The following SLC9B1 variants were observed in gnomAD, a reference collection of about 807,000 sequenced individuals.
The protein encoded by SLC9B1 is sodium/hydrogen exchanger 9B1.
In SLC9B1, 32 loss-of-function variants were observed where a neutral mutation model predicts 51.7. The observed-to-expected ratio is 0.62, with a 90% CI of 0.47 to 0.83. The LOEUF (loss-of-function observed/expected upper bound fraction) is 0.83, where lower values mean the gene tolerates loss of function less well. SLC9B1 is among the 40% of genes least tolerant of loss of function. The probability of loss-of-function intolerance (pLI) is 0.00; values close to 1 mark genes in which losing one functional copy is unlikely to be tolerated. For missense variants in SLC9B1, 406 were observed against 613.2 expected (o/e 0.66, Z 3.57); for synonymous variants, 145 against 212.7 (o/e 0.68, Z 2.77).
intron 6 of SLC9B1, among the ~76,000 whole-genome samples, chr4:102,944,201 G>T (rs1578368173): frequency 6.6e-6 from 1 of 152,176 alleles, no homozygotes; most frequent in Non-Finnish European, 1.5e-5. Flanking sequence ...ACAGAAAGAA[G>T]GGAACAATCG....
At chr4:102,905,796 T>C in intron 10 of SLC9B1, 146 bp from the exon 11 acceptor site, 1 of 730,282 alleles carries the variant, frequency 1.4e-6, no homozygotes, top group Non-Finnish European at 2.2e-6. Flanking sequence ...AAACAATGAT[T>C]ATAAAAAATG....
rs1214763222 is a variant in SLC9B1, at chr4:102,887,467, A to G, written c.1333-2139T>C. On this transcript the variant is annotated intron_variant, in intron 11 of 11. Coordinates refer to the SLC9B1 transcript ENST00000394789. ...ATATTTTCTCATTCTTTGTGTATAGAAAATTTTAAAATGGTGGTCTTAATT... is the reference window on the plus strand; with the variant it reads ...ATATTTTCTCATTCTTTGTGTATAGGAAATTTTAAAATGGTGGTCTTAATT... 3 of 947,358 alleles carry G rather than the reference A, an allele frequency of 3.2e-6. No individual in the cohort carries two copies. The East Asian group carries it at 7.9e-5, about 25-fold the overall frequency. 58.7% of individuals were successfully genotyped at this position (947,358 alleles called of 1,614,324 possible). A position where few individuals can be genotyped will look rare whatever the true frequency, so the allele number is the denominator to read the frequency against.
Position 102,911,504 on chromosome 4 carries a change from C to T in SLC9B1, c.863G>A (p.Arg288Lys). 1.3e-6 allele frequency: 2 copies of T among 1,596,698 alleles called. No homozygotes were observed. Among genetic ancestry groups the T allele is most frequent in the South Asian group, 2.2e-5 (2 of 90,918 alleles). The part of the protein sequence containing the change: ...GILNNAIASI[R>K]NVCISLLAGI... ...TGCCAGCAGACTAATACATACGTTC[C>T]TTATAGAGGCTATGGCGTTATTAAG... The change falls in exon 8 of 12, where the codon AGG (arginine) becomes AAG (lysine). Residue 288 changes from arginine (R) to lysine (K), a missense_variant. Coordinates refer to ENST00000296422, the MANE Select transcript of SLC9B1 (RefSeq NM_139173.4).
At chr4:102,886,096 A>G (rs2110401510) in intron 11 of SLC9B1, among the ~76,000 whole-genome samples, 1 of 152,306 alleles carries the variant, frequency 6.6e-6, no homozygotes, top group Middle Eastern at 3.4e-3. Context: ...TATCTGATAA[A>G]AAGGGAATGA....
intron 6 of SLC9B1, among the ~76,000 whole-genome samples, chr4:102,937,447 C>T (rs946076150): frequency 5.5e-5 from 7 of 126,558 alleles, no homozygotes; most frequent in African/African-American, 2.1e-4. Flanking sequence ...AAAAACTTGG[C>T]TGGGTGTGGT....
intron 3 of SLC9B1, among the ~76,000 whole-genome samples, chr4:102,975,595 T>A (rs1429312504): frequency 1.1e-4 from 14 of 124,546 alleles, no homozygotes; most frequent in African/African-American, 4.3e-4. Context: ...TATTTTTTTT[T>A]TTTTTTTTTT....
chr4:102,947,139 A>C (rs1403492798), intron 4 of SLC9B1, among the ~76,000 whole-genome samples: 2 of 152,172 alleles, frequency 1.3e-5, no homozygotes, highest in African/African-American at 4.8e-5. Flanking sequence ...TGCGTTTTTT[A>C]TGTGAGGGTC....
chr4:102,928,691 T>C (rs142327232), intron 7 of SLC9B1, among the ~76,000 whole-genome samples: 2,401 of 152,240 alleles, frequency 0.016, 66 homozygotes, highest in African/African-American at 0.052. Context: ...TTAAGGAGAA[T>C]TGAATCACAC....
intron 6 of SLC9B1, among the ~76,000 whole-genome samples, chr4:102,937,412 TAAAAAAAAAAAAA>T (rs754801733): frequency 2.2e-5 from 1 of 45,216 alleles, no homozygotes; most frequent in African/African-American, 1.2e-4. Context: ...TCAGCATTCT[TAAAAAAAAAAAAA>T]AAAAAAAAAA....
chr4:102,999,026 T>A (rs1740374439), intron 1 of SLC9B1, among the ~76,000 whole-genome samples: 1 of 152,118 alleles, frequency 6.6e-6, no homozygotes, highest in Admixed American at 6.6e-5. Flanking sequence ...CCCAGCAATT[T>A]ATTTTTTTGT....
intron 3 of SLC9B1, among the ~76,000 whole-genome samples, chr4:102,957,409 G>C (rs1053401265): frequency 6.6e-6 from 1 of 152,046 alleles, no homozygotes; most frequent in Non-Finnish European, 1.5e-5. Context: ...AGGATAATAA[G>C]AAAATCATGA....
intron 1 of SLC9B1, among the ~76,000 whole-genome samples, chr4:102,992,639 A>G (rs1740004321): frequency 6.6e-6 from 1 of 152,244 alleles, no homozygotes; most frequent in South Asian, 2.1e-4. Flanking sequence ...TTATAACATT[A>G]TTAAAGCAAA....
intron 3 of SLC9B1, among the ~76,000 whole-genome samples, chr4:102,950,420 A>C (rs889149741): frequency 2.6e-5 from 4 of 152,210 alleles, no homozygotes; most frequent in Admixed American, 1.3e-4. Context: ...GGTTTCTATA[A>C]AGGACAGACA....
chr4:102,997,700 C>T (rs933777453), intron 1 of SLC9B1, among the ~76,000 whole-genome samples: 26 of 152,072 alleles, frequency 1.7e-4, no homozygotes, highest in African/African-American at 6.3e-4. Flanking sequence ...TGTTCTAAAT[C>T]ATTGCTAACC....
chr4:102,980,247 A>G (rs1434160126), intron 3 of SLC9B1, among the ~76,000 whole-genome samples: 3 of 152,222 alleles, frequency 2.0e-5, no homozygotes, highest in Non-Finnish European at 2.9e-5. Flanking sequence ...ATTACTGGGT[A>G]TATACCCAAA....
chr4:103,006,127 C>T (rs1016002099), intron 1 of SLC9B1, among the ~76,000 whole-genome samples: 1 of 151,670 alleles, frequency 6.6e-6, no homozygotes, highest in Non-Finnish European at 1.5e-5. Flanking sequence ...TGGGACATGA[C>T]AAGCAATACA....
At chr4:103,011,939 C>T (rs558713912) in intron 1 of SLC9B1, among the ~76,000 whole-genome samples, 2 of 152,212 alleles carry the variant, frequency 1.3e-5, no homozygotes, top group East Asian at 1.9e-4. Flanking sequence ...GGCCACTCCT[C>T]CACTGACTTG....
chr4:102,979,573 T>C (rs557147108), intron 3 of SLC9B1, among the ~76,000 whole-genome samples: 76 of 152,280 alleles, frequency 5.0e-4, no homozygotes, highest in African/African-American at 1.8e-3. Context: ...AGAAGCCTTA[T>C]GTTTACTCCA....
chr4:102,987,734 C>T (rs1051213996), intron 3 of SLC9B1, among the ~76,000 whole-genome samples: 4 of 152,126 alleles, frequency 2.6e-5, no homozygotes, highest in South Asian at 2.1e-4. Flanking sequence ...GGGACCTCCT[C>T]GACTTTTCCA....
Sources: gnomAD v4.1 joint callset for allele counts (sites outside exome capture counted in the v4.1 genomes callset) on GRCh38, gnomAD v4.1.1 for gene constraint, MANE v1.5 for transcripts, NCBI Gene and HGNC (gene_info 2026-07-23, HGNC 2026-07-21) for gene names.